Variants in SS18 observed in about 807,000 individuals in gnomAD.
The protein encoded by SS18 is protein SSXT.
In SS18, 28 loss-of-function variants were observed where a neutral mutation model predicts 72.5. That is an observed-to-expected ratio of 0.39 (90% CI 0.29 to 0.53). SS18 has a LOEUF of 0.53. SS18 is among the 20% of genes least tolerant of loss of function. The probability of loss-of-function intolerance (pLI) is 0.76; values close to 1 mark genes in which losing one functional copy is unlikely to be tolerated. For synonymous variants in SS18, 172 were observed against 164.2 expected, an observed-to-expected ratio of 1.05 and a Z score of -0.37; for missense variants, 518 against 535.3, an observed-to-expected ratio of 0.97 and a Z score of 0.32.
intron 3 of SS18, among the ~76,000 whole-genome samples, chr18:26,072,289 T>C (rs937124637): frequency 6.6e-6 from 1 of 150,808 alleles, no homozygotes; most frequent in African/African-American, 2.4e-5. Flanking sequence ...AAAAAACAAA[T>C]TAATTATTGG....
intron 5 of SS18, among the ~76,000 whole-genome samples, chr18:26,048,883 T>C (rs1244278648): frequency 6.6e-6 from 1 of 152,218 alleles, no homozygotes; most frequent in Non-Finnish European, 1.5e-5. Flanking sequence ...TTCACCTTTT[T>C]AAAAAAGCTT....
chr18:26,042,446 TAACA>T (rs1164025451), intron 5 of SS18, among the ~76,000 whole-genome samples: 2 of 152,144 alleles, frequency 1.3e-5, no homozygotes, highest in African/African-American at 2.4e-5. Flanking sequence ...CAAGGGCATA[TAACA>T]AACACTTATC....
intron 10 of SS18, 36 bp from the exon 11 acceptor site, chr18:26,018,416 G>T: frequency 7.0e-7 from 1 of 1,419,046 alleles, no homozygotes; most frequent in Non-Finnish European, 9.8e-7. Flanking sequence ...TTAGATAATA[G>T]TTTGACCATA....
intron 5 of SS18, among the ~76,000 whole-genome samples, chr18:26,046,944 T>C (rs1022909582): frequency 2.0e-5 from 3 of 152,220 alleles, no homozygotes; most frequent in Non-Finnish European, 4.4e-5. Context: ...GTTCATACTT[T>C]ATACAATTAC....
chr18:26,027,703 A>AAAAAAAAAAAAAAAAAAGAC lies in SS18; in HGVS notation c.1230+4695_1230+4696insGTCTTTTTTTTTTTTTTTTT, dbSNP rs1555643837. Among the ~76,000 whole-genome samples, 2 of 124,698 alleles carry AAAAAAAAAAAAAAAAAAGAC rather than the reference A, an allele frequency of 1.6e-5. 1 individual carries two copies. Among genetic ancestry groups the AAAAAAAAAAAAAAAAAAGAC allele is most frequent in the African/African-American group, 7.1e-5 (2 of 28,006 alleles). 81.8% of individuals were successfully genotyped at this position (124,698 alleles called of 152,430 possible). A position where few individuals can be genotyped will look rare whatever the true frequency, so the allele number is the denominator to read the frequency against. ...AAAAAAAAAAAAAAAAAAAAAAAAA[A>AAAAAAAAAAAAAAAAAAGAC]AGTCTTTTCAACAAATGACTCTGAG... On this transcript the variant is annotated intron_variant, in intron 10 of 10. Transcript: ENST00000415083.
intron 3 of SS18, among the ~76,000 whole-genome samples, chr18:26,065,800 C>CATATATATATATATATATAT (rs58222135): frequency 0.14 from 7,680 of 54,624 alleles, 1,983 homozygotes; most frequent in Non-Finnish European, 0.22. Flanking sequence ...CCTACAAATC[C>CATATATATATATATATATAT]ATATATATAT....
At chr18:26,090,659 C>T, upstream of SS18, 1 of 1,350,222 alleles carries the variant, frequency 7.4e-7, no homozygotes, top group South Asian at 1.3e-5. Context: ...GGCTGAACCA[C>T]CTCGGGAATG....
intron 3 of SS18, among the ~76,000 whole-genome samples, chr18:26,072,465 T>C (rs2054328742): frequency 6.6e-6 from 1 of 152,064 alleles, no homozygotes; most frequent in Non-Finnish European, 1.5e-5. Context: ...TATTTAGCTA[T>C]GCTAATATCA....
chr18:26,053,683 T>A (rs925697337), intron 4 of SS18, among the ~76,000 whole-genome samples: 1 of 152,042 alleles, frequency 6.6e-6, no homozygotes, highest in Non-Finnish European at 1.5e-5. Context: ...ACACAAAAAC[T>A]ACAAAAAGGT....
chr18:26,088,612 G>A (rs1333613627), intron 1 of SS18, among the ~76,000 whole-genome samples: 2 of 152,286 alleles, frequency 1.3e-5, no homozygotes, highest in African/African-American at 4.8e-5. Context: ...AAGTGGAGCT[G>A]AAGAAAGAGT....
intron 2 of SS18, chr18:26,082,443 A>G (rs958374313): frequency 2.0e-6 from 2 of 976,656 alleles, no homozygotes; most frequent in Non-Finnish European, 2.4e-6. Context: ...AGATTTAAAC[A>G]ACTCTTTTAA....
intron 3 of SS18, 152 bp from the exon 4 acceptor site, chr18:26,057,894 G>A: frequency 1.5e-6 from 1 of 676,306 alleles, no homozygotes; most frequent in Non-Finnish European, 2.3e-6. Context: ...CATGAACATA[G>A]TTAATAACCC....
chr18:26,045,445 G>A (rs1039915022), intron 5 of SS18, among the ~76,000 whole-genome samples: 3 of 152,072 alleles, frequency 2.0e-5, no homozygotes, highest in Non-Finnish European at 4.4e-5. Flanking sequence ...CATACTTGCT[G>A]TTCCATCTGC....
intron 1 of SS18, among the ~76,000 whole-genome samples, chr18:26,089,384 C>A (rs1568038286): frequency 6.6e-6 from 1 of 152,152 alleles, no homozygotes; most frequent in Non-Finnish European, 1.5e-5. Context: ...CTGCCAAGCC[C>A]GTTTGTTCAT....
At chr18:26,045,270 T>A (rs1203349224) in intron 5 of SS18, among the ~76,000 whole-genome samples, 1 of 152,186 alleles carries the variant, frequency 6.6e-6, no homozygotes, top group East Asian at 1.9e-4. Context: ...TATATCTCCT[T>A]CCACAGAATA....
intron 2 of SS18, chr18:26,085,917 G>A (rs2054606807): frequency 1.3e-5 from 2 of 152,042 alleles, no homozygotes; most frequent in East Asian, 1.9e-4. Context: ...ATCTGCCTGA[G>A]GATACACCAG....
upstream of SS18, chr18:26,091,013 C>T (rs977350006): frequency 1.4e-5 from 3 of 212,730 alleles, no homozygotes; most frequent in African/African-American, 2.3e-5. Flanking sequence ...CCTCCCTCTC[C>T]GGCCCTCTGA....
chr18:26,082,273 A>C (rs376252734), intron 2 of SS18: 2 of 619,044 alleles, frequency 3.2e-6, no homozygotes, highest in East Asian at 1.4e-4. Context: ...CTCATCAATT[A>C]CTTTGAATAA....
rs1273565885 is a variant in SS18, at chr18:26,035,070, C to A, written c.1031G>T (p.Gly344Val). The A allele has an allele frequency of 3.1e-6, 5 of 1,613,394 alleles. No homozygotes were observed. The highest frequency in any genetic ancestry group is 4.2e-6 in the Non-Finnish European group (5 of 1,179,688). Residue 344 changes from glycine to valine, a missense_variant, in exon 9 of 11, where the codon GGA becomes GTA. Physicochemically the swap from Gly to Val is moderately radical, Grantham distance 109 (BLOSUM62 -3). Coordinates refer to ENST00000415083, the MANE Select transcript of SS18 (RefSeq NM_001007559.3). The surrounding 1 kb of genome is among the most constrained non-coding windows in gnomAD (Gnocchi z 4.4). ...GTACTGCTGCTGCTGGGGTGGATAT[C>A]CCTGTTGTGGAGGTGGTCCCTGGTA... is the stretch of plus-strand genomic sequence containing the variant. ...DAYQGPPPQQ[G>V]YPPQQQQYPG...
Sources: allele counts gnomAD v4.1 joint callset (sites outside exome capture counted in the v4.1 genomes callset), GRCh38; gene constraint gnomAD v4.1.1; non-coding constraint Gnocchi (gnomAD v3.1); transcripts MANE v1.5; gene names NCBI Gene and HGNC (gene_info 2026-07-23, HGNC 2026-07-21).